The following CRYBG1 variants were observed in gnomAD, a reference collection of about 807,000 sequenced individuals.
CRYBG1 encodes beta/gamma crystallin domain-containing protein 1.
In CRYBG1, 139 loss-of-function variants were observed where a neutral mutation model predicts 189.2. That is an observed-to-expected ratio of 0.73 (90% CI 0.64 to 0.85). CRYBG1 has a LOEUF of 0.85. Among genes scored for constraint, CRYBG1 ranks in the 40% least tolerant of loss-of-function variants. The pLI is 0.00. For synonymous variants in CRYBG1, 1,023 were observed against 1,017.1 expected, an observed-to-expected ratio of 1.01 and a Z score of -0.11; for missense variants, 2,611 against 2,675.8, an observed-to-expected ratio of 0.98 and a Z score of 0.53.
chr6:106,483,972 T>G (rs996649049), intron 2 of CRYBG1, among the ~76,000 whole-genome samples: 1 of 152,238 alleles, frequency 6.6e-6, no homozygotes, highest in Non-Finnish European at 1.5e-5. Context: ...AGTAGGTTCA[T>G]AGTTTTGGGT....
intron 1 of CRYBG1, among the ~76,000 whole-genome samples, chr6:106,392,514 C>T (rs1770527856): frequency 6.6e-6 from 1 of 152,090 alleles, no homozygotes; most frequent in Non-Finnish European, 1.5e-5. Context: ...GGGAAAAGGA[C>T]AGTGCTAAGA....
chr6:106,551,916 A>G lies in CRYBG1; in HGVS notation c.5377A>G (p.Thr1793Ala). 2 of 1,610,142 alleles carry G rather than the reference A, an allele frequency of 1.2e-6. No individual in the cohort carries two copies. Among genetic ancestry groups the G allele is most frequent in the Non-Finnish European group, 8.5e-7 (1 of 1,176,576 alleles). ...EQYILDKGFYTSFEDWGGKNC... is the reference protein window; with the variant it reads ...EQYILDKGFYASFEDWGGKNC... ...GTATATACTGGATAAAGGATTTTAT[A>G]CCAGTTTTGAGGACTGGGGAGGCAA... Residue 1793 changes from threonine to alanine, a missense_variant, in exon 14 of 22, where the codon ACC becomes GCC. Thr to Ala is a moderately conservative substitution (Grantham distance 58). Around this residue, in one of 3 missense-constraint regions of CRYBG1, gnomAD observed 1,622 missense variants for 1,735.0 expected, o/e 0.93. Transcript: ENST00000633556.
At chr6:106,485,123 G>C (rs1772570749) in intron 2 of CRYBG1, among the ~76,000 whole-genome samples, 1 of 152,144 alleles carries the variant, frequency 6.6e-6, no homozygotes, top group South Asian at 2.1e-4. Context: ...TCCAATCCAT[G>C]GACAGAAGAT....
chr6:106,392,662 G>A (rs935042865), intron 1 of CRYBG1, among the ~76,000 whole-genome samples: 1 of 152,216 alleles, frequency 6.6e-6, no homozygotes, highest in Non-Finnish European at 1.5e-5. Flanking sequence ...ATAGCAAGAA[G>A]GAAGTAAAGG....
chr6:106,436,330 G>T (rs113691070), intron 1 of CRYBG1, among the ~76,000 whole-genome samples: 1 of 142,108 alleles, frequency 7.0e-6, no homozygotes, highest in Non-Finnish European at 1.5e-5. Context: ...ACGGAGTCTC[G>T]CTCTGTTGCC....
intron 8 of CRYBG1, among the ~76,000 whole-genome samples, chr6:106,533,730 G>C (rs1486593586): frequency 6.6e-6 from 1 of 152,214 alleles, no homozygotes; most frequent in African/African-American, 2.4e-5. Flanking sequence ...AAAAAGACTT[G>C]GAGGAGCAGG....
chr6:106,412,746 C>T (rs1474941276), intron 1 of CRYBG1, among the ~76,000 whole-genome samples: 1 of 152,108 alleles, frequency 6.6e-6, no homozygotes, highest in African/African-American at 2.4e-5. Context: ...GATTATTATC[C>T]TTTATTTCAC....
intron 2 of CRYBG1, among the ~76,000 whole-genome samples, chr6:106,506,446 C>CTTTTT (rs67154803): frequency 1.1e-3 from 75 of 69,914 alleles, no homozygotes; most frequent in Middle Eastern, 0.012. Flanking sequence ...TTTCTTGTCA[C>CTTTTT]TTTTTTTTTT....
At chr6:106,385,920 G>A (rs1330227153) in intron 1 of CRYBG1, among the ~76,000 whole-genome samples, 1 of 152,070 alleles carries the variant, frequency 6.6e-6, no homozygotes, top group African/African-American at 2.4e-5. Flanking sequence ...CTCAGTGCAG[G>A]CCCATTTGAT....
At chr6:106,382,933 T>C (rs1770313681) in intron 1 of CRYBG1, among the ~76,000 whole-genome samples, 1 of 152,196 alleles carries the variant, frequency 6.6e-6, no homozygotes, top group Non-Finnish European at 1.5e-5. Context: ...GACTTTATTA[T>C]TATTAAGTAA....
At chr6:106,485,401 G>T (rs1043892702) in intron 2 of CRYBG1, among the ~76,000 whole-genome samples, 3 of 152,034 alleles carry the variant, frequency 2.0e-5, no homozygotes, top group Non-Finnish European at 4.4e-5. Flanking sequence ...AGGTTTTTTT[G>T]GTGGATTCAT....
chr6:106,473,430 T>C (rs1772275992), intron 2 of CRYBG1, among the ~76,000 whole-genome samples: 2 of 152,150 alleles, frequency 1.3e-5, no homozygotes, highest in Admixed American at 1.3e-4. Context: ...CATATAGAAA[T>C]ATTGAGATAT....
rs1338240603 is a variant in CRYBG1, at chr6:106,512,431, T to A, written c.1314T>A (p.Pro438=). ...CCCCCGGCGCGGACGCCGAGCTCCCTGAGAGCGCTGCCAGGGACGACGCGG... is the reference window on the plus strand; with the variant it reads ...CCCCCGGCGCGGACGCCGAGCTCCCAGAGAGCGCTGCCAGGGACGACGCGG... The part of the protein sequence containing the change: ...TDSPGADAEL[P]ESAARDDAVF... The change falls in exon 3 of 22, where the codon CCT becomes CCA. Residue 438 remains proline, a synonymous_variant. Transcript: ENST00000633556. The A allele has an allele frequency of 6.2e-7, 1 of 1,609,830 alleles. No homozygotes were observed. Among genetic ancestry groups the A allele is most frequent in the South Asian group, 1.1e-5 (1 of 90,468 alleles).
At chr6:106,552,808 A>C (rs970826650) in intron 15 of CRYBG1, among the ~76,000 whole-genome samples, 4 of 152,164 alleles carry the variant, frequency 2.6e-5, no homozygotes, top group Non-Finnish European at 4.4e-5. Context: ...ATATTAATAC[A>C]TTGAGATTAA....
chr6:106,548,155 T>C (rs1218632882), intron 13 of CRYBG1, among the ~76,000 whole-genome samples: 2 of 152,180 alleles, frequency 1.3e-5, no homozygotes, highest in East Asian at 3.9e-4. Flanking sequence ...CAGAGGAGTG[T>C]TGATTCATGT....
intron 2 of CRYBG1, among the ~76,000 whole-genome samples, chr6:106,496,460 T>C (rs1772853388): frequency 6.6e-6 from 1 of 152,174 alleles, no homozygotes; most frequent in Admixed American, 6.5e-5. Flanking sequence ...CTAGAAATCG[T>C]AACAGAATTA....
chr6:106,385,825 C>G (rs1770377422), intron 1 of CRYBG1, among the ~76,000 whole-genome samples: 1 of 152,168 alleles, frequency 6.6e-6, no homozygotes, highest in Admixed American at 6.5e-5. Context: ...GACAAACGTT[C>G]TTAGCAGCAG....
chr6:106,453,850 C>T (rs922962445), intron 2 of CRYBG1, among the ~76,000 whole-genome samples: 7 of 152,190 alleles, frequency 4.6e-5, no homozygotes, highest in Non-Finnish European at 8.8e-5. Flanking sequence ...GTTGGTATAC[C>T]TGGGAGAGGC....
intron 1 of CRYBG1, among the ~76,000 whole-genome samples, chr6:106,443,914 G>C (rs1208313442): frequency 6.6e-6 from 1 of 151,898 alleles, no homozygotes; most frequent in East Asian, 1.9e-4. Context: ...CAATAAAGTA[G>C]TGTTGACTGT....
Sources: allele counts gnomAD v4.1 joint callset (sites outside exome capture counted in the v4.1 genomes callset), GRCh38; gene constraint gnomAD v4.1.1; regional missense constraint gnomAD v4.1.1; transcripts MANE v1.5; gene names NCBI Gene and HGNC (gene_info 2026-07-23, HGNC 2026-07-21).